The following RYR2 variants were observed in gnomAD, a reference collection of about 807,000 sequenced individuals.
RYR2 encodes the protein ryanodine receptor 2.
A neutral mutation model predicts 601.1 loss-of-function variants in RYR2; 227 were observed. The ratio of observed to expected loss-of-function variants is 0.38; its 90% CI spans 0.34 to 0.42. The LOEUF (loss-of-function observed/expected upper bound fraction) is 0.42. Among genes scored for constraint, RYR2 ranks in the 10% least tolerant of loss-of-function variants. The pLI, the probability that RYR2 is intolerant of heterozygous loss-of-function variation, is 1.00. For missense variants in RYR2, 4,646 were observed against 6,156.5 expected, an observed-to-expected ratio of 0.75 and a Z score of 8.21; for synonymous variants, 2,223 against 2,175.1, an observed-to-expected ratio of 1.02 and a Z score of -0.61.
chr1:237,250,514 G>C (rs879210673), intron 1 of RYR2, among the ~76,000 whole-genome samples: 1 of 152,044 alleles, frequency 6.6e-6, no homozygotes, highest in Non-Finnish European at 1.5e-5. Flanking sequence ...TCTTGTCCTC[G>C]TGTCTAATCT....
chr1:237,183,084 C>G (rs1386476778), intron 1 of RYR2, among the ~76,000 whole-genome samples: 4 of 152,120 alleles, frequency 2.6e-5, no homozygotes, highest in Non-Finnish European at 5.9e-5. Flanking sequence ...GACTCAGGCC[C>G]TTCTATATTC....
At chr1:237,495,850 G>A (rs1243275697) in intron 19 of RYR2, among the ~76,000 whole-genome samples, 5 of 152,120 alleles carry the variant, frequency 3.3e-5, no homozygotes, top group Non-Finnish European at 5.9e-5. Context: ...AATTCTAAAA[G>A]TCTGCTCTGA....
chr1:237,382,631 G>A (rs957325630), intron 8 of RYR2, among the ~76,000 whole-genome samples: 4 of 148,152 alleles, frequency 2.7e-5, no homozygotes, highest in East Asian at 2.0e-4. Context: ...TCGGTGTTTC[G>A]TTTTCTATCG....
intron 60 of RYR2, 117 bp from the exon 61 acceptor site, chr1:237,677,931 T>C (rs1000215225): frequency 1.5e-6 from 1 of 672,132 alleles, no homozygotes; most frequent in African/African-American, 1.8e-5. Context: ...GTTGGCTTTT[T>C]ACATTCAGTT....
At position 237,359,404 on chromosome 1, in the gene RYR2, G is replaced by A. The variant is rs536064193; in HGVS notation, c.294+3419G>A. On this transcript the variant is annotated intron_variant, in intron 4 of 104. Transcript: ENST00000366574. ...CCATTGTTAAGTCAGGGACCTTCTT[G>A]TAAATCCCCTTCGGAGACTGGTCAT... is the stretch of plus-strand genomic sequence containing the variant. 2.4e-4 allele frequency among the ~76,000 whole-genome samples: 37 copies of A among 152,254 alleles called. 1 individual carries two copies. The highest frequency in any genetic ancestry group is 7.7e-4 in the African/African-American group (32 of 41,578).
At position 237,784,928 on chromosome 1, in the gene RYR2, A is replaced by T. The variant is rs1328615953; in HGVS notation, c.13216A>T (p.Met4406Leu). 1.1e-5 allele frequency: 17 copies of T among 1,607,014 alleles called. No homozygotes were observed. Among genetic ancestry groups the T allele is most frequent in the Non-Finnish European group, 1.4e-5 (17 of 1,176,506 alleles). Residue 4406 changes from methionine to leucine, a missense_variant, in exon 90 of 105, where the codon ATG (methionine) becomes TTG (leucine). Physicochemically the swap from Met to Leu is conservative, Grantham distance 15. Around this residue, in one of 17 missense-constraint regions of RYR2, gnomAD observed 364 missense variants for 442.9 expected, o/e 0.82. Transcript: ENST00000366574. The surrounding 1 kb of genome is among the most constrained non-coding windows in gnomAD (Gnocchi z 7.1). ...TCCAAATGCTGGGCTCAGTGACCTC[A>T]TGAGCAACCCAGTCCCCATGCCTGA... ...HNPNAGLSDL[M>L]SNPVPMPEVQ...
At chr1:237,225,769 C>T (rs1684295581) in intron 1 of RYR2, among the ~76,000 whole-genome samples, 1 of 151,982 alleles carries the variant, frequency 6.6e-6, no homozygotes, top group Non-Finnish European at 1.5e-5. Context: ...AAAGGGATCC[C>T]CTGTAGGCAG....
At chr1:237,765,568 G>C (rs1454345576) in intron 84 of RYR2, among the ~76,000 whole-genome samples, 2 of 152,130 alleles carry the variant, frequency 1.3e-5, no homozygotes, top group African/African-American at 4.8e-5. Flanking sequence ...TAAGCAAAGA[G>C]ATTGAATTGA....
At chr1:237,370,775 C>G (rs1171446767) in intron 6 of RYR2, among the ~76,000 whole-genome samples, 3 of 151,758 alleles carry the variant, frequency 2.0e-5, no homozygotes, top group African/African-American at 4.8e-5. Context: ...ATTCTCCTGC[C>G]TCAGCCTCCT....
chr1:237,811,020 C>T (rs1315748988), intron 100 of RYR2, among the ~76,000 whole-genome samples: 2 of 151,950 alleles, frequency 1.3e-5, no homozygotes, highest in Non-Finnish European at 2.9e-5. Flanking sequence ...GGGAAAGAAA[C>T]TTGTTTGCTT....
At chr1:237,280,453 A>G (rs1690739792) in intron 2 of RYR2, among the ~76,000 whole-genome samples, 1 of 152,222 alleles carries the variant, frequency 6.6e-6, no homozygotes, top group Non-Finnish European at 1.5e-5. Context: ...AGGCAAAAGA[A>G]AGACCACTGT....
intron 80 of RYR2, among the ~76,000 whole-genome samples, chr1:237,755,820 T>G (rs765960184): frequency 2.4e-4 from 36 of 152,224 alleles, no homozygotes; most frequent in Admixed American, 5.2e-4. Flanking sequence ...TCAATTTTAC[T>G]TAAACTTCAA....
intron 8 of RYR2, among the ~76,000 whole-genome samples, chr1:237,380,374 A>G (rs1299626071): frequency 1.2e-3 from 12 of 9,960 alleles, no homozygotes; most frequent in African/African-American, 4.6e-3. Flanking sequence ...ATATATATAT[A>G]TATATATATA....
intron 101 of RYR2, among the ~76,000 whole-genome samples, chr1:237,825,612 A>G (rs551269662): frequency 1.4e-4 from 22 of 152,308 alleles, no homozygotes; most frequent in African/African-American, 4.6e-4. Context: ...ATGGGCAAAG[A>G]CTTCATGACT....
chr1:237,800,865 A>G (rs1659876757), intron 97 of RYR2, among the ~76,000 whole-genome samples: 1 of 152,070 alleles, frequency 6.6e-6, no homozygotes, highest in Non-Finnish European at 1.5e-5. Context: ...GTTCACAGAC[A>G]AGTGAGAGAG....
At chr1:237,558,740 A>G (rs1209078102) in intron 27 of RYR2, among the ~76,000 whole-genome samples, 1 of 151,768 alleles carries the variant, frequency 6.6e-6, no homozygotes, top group Non-Finnish European at 1.5e-5. Flanking sequence ...CATTATGTGT[A>G]TGTTGGTATG....
intron 60 of RYR2, among the ~76,000 whole-genome samples, chr1:237,675,992 A>T (rs1685363019): frequency 6.6e-6 from 1 of 152,194 alleles, no homozygotes; most frequent in South Asian, 2.1e-4. Context: ...TAAAAATATG[A>T]TTCCTGACTT....
rs886879158 is a variant in RYR2, at chr1:237,263,883, TA to T, written c.49-6607del. Among the ~76,000 whole-genome samples, 4 of 152,076 alleles carry T rather than the reference TA, an allele frequency of 2.6e-5. No individual in the cohort carries two copies. The South Asian group carries it at 8.3e-4, about 32-fold the overall frequency. On this transcript the variant is annotated intron_variant, in intron 1 of 104. Transcript: ENST00000366574. ...CTAGTGGGGGAGGCTCAGAAAAATT[TA>T]AAAAAAGCAAATAGCATATAATATA...
At chr1:237,506,264 G>A (rs934569112) in intron 22 of RYR2, among the ~76,000 whole-genome samples, 5 of 151,780 alleles carry the variant, frequency 3.3e-5, no homozygotes, top group African/African-American at 7.3e-5. Context: ...AAGGCTGGGC[G>A]CAGTGGCTCA....
Sources: allele counts gnomAD v4.1 joint callset (sites outside exome capture counted in the v4.1 genomes callset), GRCh38; gene constraint gnomAD v4.1.1; regional missense constraint gnomAD v4.1.1; non-coding constraint Gnocchi (gnomAD v3.1); transcripts MANE v1.5; gene names NCBI Gene and HGNC (gene_info 2026-07-23, HGNC 2026-07-21).